The following CAMK1D variants were observed in gnomAD, a reference collection of about 807,000 sequenced individuals.
CAMK1D encodes calcium/calmodulin-dependent protein kinase type 1D.
A neutral mutation model predicts 47.7 loss-of-function variants in CAMK1D; 9 were observed. The observed-to-expected ratio is 0.19, with a 90% confidence interval of 0.11 to 0.33. CAMK1D has a LOEUF of 0.33. CAMK1D is among the 10% of genes least tolerant of loss of function. The pLI is 1.00. For synonymous variants in CAMK1D, 184 were observed against 184.9 expected, an observed-to-expected ratio of 0.99 and a Z score of 0.04; for missense variants, 291 against 488.7, an observed-to-expected ratio of 0.60 and a Z score of 3.81.
intron 2 of CAMK1D, among the ~76,000 whole-genome samples, chr10:12,654,718 T>C (rs1840071115): frequency 6.6e-6 from 1 of 152,190 alleles, no homozygotes; most frequent in Non-Finnish European, 1.5e-5. Context: ...ATCTTAACCT[T>C]TAAAAATCAG....
At chr10:12,579,430 C>A (rs1588655756) in intron 2 of CAMK1D, among the ~76,000 whole-genome samples, 1 of 152,136 alleles carries the variant, frequency 6.6e-6, no homozygotes, top group African/African-American at 2.4e-5. Flanking sequence ...ATGTAGCTTT[C>A]TTTGATCATC....
intron 6 of CAMK1D, 121 bp downstream of exon 6, chr10:12,791,354 T>C: frequency 1.3e-6 from 1 of 774,594 alleles, no homozygotes; most frequent in African/African-American, 1.7e-5. Context: ...TTCAGGGCCA[T>C]GTTTAAGGGT....
At chr10:12,614,362 C>T (rs1043211440) in intron 2 of CAMK1D, among the ~76,000 whole-genome samples, 4 of 152,210 alleles carry the variant, frequency 2.6e-5, no homozygotes, top group Non-Finnish European at 5.9e-5. Flanking sequence ...CAAAAATAGG[C>T]AACTGTGGAT....
At chr10:12,601,181 T>G (rs12765859) in intron 2 of CAMK1D, among the ~76,000 whole-genome samples, 1,259 of 26,542 alleles carry the variant, frequency 0.047, 26 homozygotes, top group Non-Finnish European at 0.17. Flanking sequence ...AGTTTTTTTT[T>G]TTTGTTTGTT....
chr10:12,712,679 A>G (rs1833981482), intron 3 of CAMK1D, among the ~76,000 whole-genome samples: 1 of 152,132 alleles, frequency 6.6e-6, no homozygotes, highest in Non-Finnish European at 1.5e-5. Context: ...CGTCTCCCAA[A>G]GGCTCCATCT....
chr10:12,819,791 C>T (rs750766395), intron 8 of CAMK1D, among the ~76,000 whole-genome samples: 4 of 151,912 alleles, frequency 2.6e-5, no homozygotes, highest in Non-Finnish European at 4.4e-5. Flanking sequence ...AGCCTAGAGG[C>T]GGAAAGGGGG....
At chr10:12,683,189 T>A (rs1588783106) in intron 3 of CAMK1D, among the ~76,000 whole-genome samples, 1 of 150,052 alleles carries the variant, frequency 6.7e-6, no homozygotes, top group South Asian at 2.1e-4. Context: ...CCAGTTGAAG[T>A]GTTTCTCTTG....
chr10:12,779,260 C>G (rs1286445954), intron 5 of CAMK1D, among the ~76,000 whole-genome samples: 1 of 152,116 alleles, frequency 6.6e-6, no homozygotes, highest in African/African-American at 2.4e-5. Flanking sequence ...AGATAAAAGT[C>G]AGAGCTAAGG....
chr10:12,649,426 C>T (rs1839900252), intron 2 of CAMK1D, among the ~76,000 whole-genome samples: 1 of 152,186 alleles, frequency 6.6e-6, no homozygotes, highest in South Asian at 2.1e-4. Context: ...TAAGGCTGGT[C>T]CCCTCTGCGT....
intron 1 of CAMK1D, among the ~76,000 whole-genome samples, chr10:12,359,739 A>G (rs1837607546): frequency 1.3e-5 from 2 of 151,976 alleles, no homozygotes; most frequent in Non-Finnish European, 2.9e-5. Context: ...TGATTTGATG[A>G]CTCAAGGAAC....
chr10:12,667,428 A>T (rs1365204441), intron 3 of CAMK1D, among the ~76,000 whole-genome samples: 3 of 152,244 alleles, frequency 2.0e-5, no homozygotes, highest in Non-Finnish European at 2.9e-5. Flanking sequence ...AGAAAGCCAG[A>T]TATTCAAATA....
rs1477901073 is a variant in CAMK1D, at chr10:12,694,313, A to ATT, written c.299+27503_299+27504insTT. Reference sequence around the variant, plus strand: ...AATATATATTATATATAAAATATATAAAATATAATATATAAAGTATATATA... The same window carrying ATT: ...AATATATATTATATATAAAATATATATTAAATATAATATATAAAGTATATATA... On this transcript the variant is annotated intron_variant, in intron 3 of 10. Transcript: ENST00000619168. Among the ~76,000 whole-genome samples the ATT allele has an allele frequency of 3.5e-3, 227 of 65,298 alleles. 13 individuals carry two copies. Among genetic ancestry groups the ATT allele is most frequent in the South Asian group, 7.5e-3 (14 of 1,864 alleles). 42.8% of individuals were successfully genotyped at this position (65,298 alleles called of 152,430 possible).
chr10:12,757,758 C>T (rs1836296771), intron 3 of CAMK1D, among the ~76,000 whole-genome samples: 1 of 152,010 alleles, frequency 6.6e-6, no homozygotes, highest in South Asian at 2.1e-4. Context: ...GCCTTGGAGG[C>T]AGCTGCCTTC....
chr10:12,604,897 T>C (rs1838404858), intron 2 of CAMK1D, among the ~76,000 whole-genome samples: 1 of 151,812 alleles, frequency 6.6e-6, no homozygotes, highest in Non-Finnish European at 1.5e-5. Context: ...TTTTTTCTTT[T>C]TTTTTTTTGA....
At chr10:12,611,717 G>A (rs886621374) in intron 2 of CAMK1D, among the ~76,000 whole-genome samples, 13 of 145,856 alleles carry the variant, frequency 8.9e-5, no homozygotes, top group Admixed American at 2.9e-4. Context: ...TCAGCCTCCC[G>A]AGTAGCTGAG....
intron 1 of CAMK1D, among the ~76,000 whole-genome samples, chr10:12,452,170 C>T (rs1013350095): frequency 2.0e-5 from 3 of 151,802 alleles, no homozygotes; most frequent in Non-Finnish European, 2.9e-5. Flanking sequence ...GTATGGAACC[C>T]GACAATGACC....
At chr10:12,778,519 A>G (rs1837363424) in intron 5 of CAMK1D, among the ~76,000 whole-genome samples, 1 of 152,192 alleles carries the variant, frequency 6.6e-6, no homozygotes, top group Admixed American at 6.5e-5. Flanking sequence ...GTTCTGCAGT[A>G]GATTGTGGTA....
chr10:12,695,777 T>A (rs556695926), intron 3 of CAMK1D, among the ~76,000 whole-genome samples: 1 of 151,998 alleles, frequency 6.6e-6, no homozygotes, highest in South Asian at 2.1e-4. Flanking sequence ...ATGTAGTCAG[T>A]TAAAAAATAA....
rs553391470 is a variant in CAMK1D at position 12,740,000 on chromosome 10, A to G, written c.300-20948A>G. On this transcript the variant is annotated intron_variant, in intron 3 of 10. Transcript: ENST00000619168. The stretch of plus-strand genomic sequence containing the variant: ...GACGATGGTATTACTTATGCCAAAT[A>G]TATTTCCTACCTTGTAAAAATAGTA... Among the ~76,000 whole-genome samples the G allele has an allele frequency of 1.3e-4, 20 of 152,354 alleles. No homozygotes were observed. In the South Asian group the frequency reaches 3.5e-3, roughly 27 times the overall value.
Sources: allele counts gnomAD v4.1 joint callset (sites outside exome capture counted in the v4.1 genomes callset), GRCh38; gene constraint gnomAD v4.1.1; transcripts MANE v1.5; gene names NCBI Gene and HGNC (gene_info 2026-07-23, HGNC 2026-07-21).